Variants in CDH23 observed in about 807,000 individuals in gnomAD.
The protein encoded by CDH23 is cadherin related 23, also known as cadherin-23.
A neutral mutation model predicts 317.1 loss-of-function variants in CDH23; 189 were observed. That is an observed-to-expected ratio of 0.60 (90% CI 0.53 to 0.67). The LOEUF (loss-of-function observed/expected upper bound fraction) is 0.67. Ranked by LOEUF, CDH23 falls within the 30% of genes least tolerant of loss-of-function variation. CDH23 has a pLI of 0.00. For missense variants in CDH23, 4,401 were observed against 4,592.4 expected, an observed-to-expected ratio of 0.96 and a Z score of 1.20; for synonymous variants, 1,839 against 1,876.8, an observed-to-expected ratio of 0.98 and a Z score of 0.52.
At chr10:71,742,016 C>A in intron 38 of CDH23, 95 bp downstream of exon 38, 1 of 1,031,292 alleles carries the variant, frequency 9.7e-7, no homozygotes, top group Non-Finnish European at 1.4e-6. Context: ...TGGAATTCCA[C>A]ACAGCAGGCG....
intron 3 of CDH23, among the ~76,000 whole-genome samples, chr10:71,491,260 G>A (rs1037390429): frequency 6.6e-6 from 1 of 152,162 alleles, no homozygotes; most frequent in African/African-American, 2.4e-5. Context: ...CAGTGTGGCT[G>A]CATCTTGCTT....
In CDH23 at chr10:71,779,327, G is replaced by A. The variant is rs372822465; in HGVS notation, c.5248G>A (p.Gly1750Arg). 6.5e-5 allele frequency: 105 copies of A among 1,613,890 alleles called. No individual in the cohort carries two copies. Among genetic ancestry groups the A allele is most frequent in the Non-Finnish European group, 8.7e-5 (103 of 1,179,888 alleles). Residue 1750 changes from glycine (G) to arginine (R), a missense_variant, in exon 41 of 70, where the codon GGA becomes AGA. This residue lies in a region of CDH23 where 3,068 missense variants were observed against 3,203.3 expected (regional missense o/e 0.96). Coordinates refer to ENST00000224721, the MANE Select transcript of CDH23 (RefSeq NM_022124.6). ...GCCTACCTTCCCCCGGGACTATGAG[G>A]GACCATTTGAAGTCACTGAGGGCCA... ...NVPTFPRDYEGPFEVTEGQPG... is the reference protein window; with the variant it reads ...NVPTFPRDYERPFEVTEGQPG...
intron 11 of CDH23, chr10:71,617,698 A>C (rs1217352242): frequency 2.9e-6 from 1 of 342,882 alleles, no homozygotes; most frequent in Admixed American, 6.5e-5. Context: ...CAAAAATAGC[A>C]ATTTTAAAAG....
chr10:71,663,249 G>GT (rs1863751755), intron 14 of CDH23, among the ~76,000 whole-genome samples: 1 of 152,306 alleles, frequency 6.6e-6, no homozygotes, highest in African/African-American at 2.4e-5. Flanking sequence ...TGATAAGGAC[G>GT]TGAAGGGCTA....
chr10:71,630,702 G>A (rs1384235890), intron 11 of CDH23, among the ~76,000 whole-genome samples: 1 of 152,232 alleles, frequency 6.6e-6, no homozygotes, highest in Non-Finnish European at 1.5e-5. Flanking sequence ...CACATGGGCT[G>A]TGCTGGTAGA....
At chr10:71,541,071 C>A (rs965940816) in intron 6 of CDH23, among the ~76,000 whole-genome samples, 1 of 152,040 alleles carries the variant, frequency 6.6e-6, no homozygotes, top group Non-Finnish European at 1.5e-5. Flanking sequence ...CTGCCAGAGC[C>A]CTGCTCCTGA....
At chr10:71,621,854 T>G (rs1861480548) in intron 11 of CDH23, among the ~76,000 whole-genome samples, 1 of 152,198 alleles carries the variant, frequency 6.6e-6, no homozygotes, top group Admixed American at 6.5e-5. Flanking sequence ...AAGGACTCCA[T>G]TCACATTGTC....
At position 71,694,051 on chromosome 10, in the gene CDH23, C is replaced by T. The variant is rs1865282317; in HGVS notation, c.2177-96C>T. On this transcript the variant is annotated intron_variant, in intron 20 of 69. Transcript: ENST00000224721. ...CTTGCTAACATTTCTCGTGCAAGTT[C>T]TCACCCTCTCTCCTTCCCTCGCTCT... 9 of 962,332 alleles carry T rather than the reference C, an allele frequency of 9.4e-6. No homozygotes were observed. The South Asian group carries it at 1.2e-4, about 13-fold the overall frequency. The allele number at this position is 962,332 out of a possible 1,614,324, so 59.6% of individuals were successfully genotyped here. A position where few individuals can be genotyped will look rare whatever the true frequency, so the allele number is the denominator to read the frequency against.
chr10:71,625,292 C>T (rs1861662706), intron 11 of CDH23, among the ~76,000 whole-genome samples: 1 of 148,988 alleles, frequency 6.7e-6, no homozygotes, highest in Non-Finnish European at 1.5e-5. Flanking sequence ...AACTGATTCC[C>T]GTTTCAGGCA....
chr10:71,573,983 C>T (rs1384422732), intron 8 of CDH23, among the ~76,000 whole-genome samples: 4 of 152,210 alleles, frequency 2.6e-5, no homozygotes, highest in Non-Finnish European at 5.9e-5. Context: ...TAATTGGTTT[C>T]TGTGCCTTGA....
At chr10:71,541,867 A>G (rs188463338) in intron 6 of CDH23, among the ~76,000 whole-genome samples, 7 of 152,362 alleles carry the variant, frequency 4.6e-5, no homozygotes, top group Admixed American at 1.3e-4. Flanking sequence ...TGAATTTTAT[A>G]TAACTTTTAC....
intron 3 of CDH23, among the ~76,000 whole-genome samples, chr10:71,453,648 A>G (rs1280556844): frequency 6.6e-6 from 1 of 152,230 alleles, no homozygotes; most frequent in Non-Finnish European, 1.5e-5. Context: ...TAAAGAGGAG[A>G]AGCATCTCTT....
intron 1 of CDH23, among the ~76,000 whole-genome samples, chr10:71,412,858 G>T (rs1848396354): frequency 6.6e-6 from 1 of 152,098 alleles, no homozygotes; most frequent in Non-Finnish European, 1.5e-5. Flanking sequence ...ACTTGTAGGT[G>T]ATCTTTATAT....
intron 1 of CDH23, among the ~76,000 whole-genome samples, chr10:71,433,996 G>A (rs72642228): frequency 0.013 from 1,983 of 152,100 alleles, 80 homozygotes; most frequent in East Asian, 0.11. Flanking sequence ...GGCCTACAAA[G>A]TGTCCATGAT....
At chr10:71,644,638 G>A (rs896535753) in intron 12 of CDH23, among the ~76,000 whole-genome samples, 8 of 152,212 alleles carry the variant, frequency 5.3e-5, no homozygotes, top group Non-Finnish European at 1.0e-4. Flanking sequence ...CCAGGAACAG[G>A]TTTCTAAGAG....
intron 9 of CDH23, among the ~76,000 whole-genome samples, chr10:71,583,964 C>G (rs1480110592): frequency 9.7e-6 from 1 of 102,662 alleles, no homozygotes; most frequent in Non-Finnish European, 2.0e-5. Context: ...CCCAGAGCAG[C>G]AGCATCAGCA....
At chr10:71,691,946 T>C (rs1189174045) in intron 20 of CDH23, among the ~76,000 whole-genome samples, 1 of 152,160 alleles carries the variant, frequency 6.6e-6, no homozygotes, top group Non-Finnish European at 1.5e-5. Flanking sequence ...AGCCTCCTTT[T>C]CTATCTCTGA....
At chr10:71,793,076 G>A (rs1841306247) in intron 47 of CDH23, 106 bp from the exon 48 acceptor site, 5 of 777,244 alleles carry the variant, frequency 6.4e-6, no homozygotes, top group Non-Finnish European at 8.2e-6. Context: ...TGCTGTCAAG[G>A]CTGTCATGAG....
rs771246476 is a variant in CDH23, at chr10:71,739,731, A to AGG, written c.4448_4449dup (p.Pro1484GlyfsTer33). 6.2e-7 allele frequency: 1 copy of AGG among 1,613,346 alleles called. No individual in the cohort carries two copies. The highest frequency in any genetic ancestry group is 1.3e-5 in the African/African-American group (1 of 75,048). On this transcript the variant is annotated frameshift_variant, in exon 36 of 70. Transcript: ENST00000224721. LOFTEE classifies it high-confidence loss of function. The stretch of plus-strand genomic sequence containing the variant: ...CTCCATTGGCGAAGTGTTTGTGGCC[A>AGG]GGCCCCTGGACAGAGAAGAGCTGGA...
Sources: gnomAD v4.1 joint callset for allele counts (sites outside exome capture counted in the v4.1 genomes callset) on GRCh38, gnomAD v4.1.1 for gene constraint, gnomAD v4.1.1 regional missense constraint, MANE v1.5 for transcripts, NCBI Gene and HGNC (gene_info 2026-07-23, HGNC 2026-07-21) for gene names.